The following C2CD3 variants were observed in gnomAD, a reference collection of about 807,000 sequenced individuals.
The protein encoded by C2CD3 is C2 domain containing 3 centriole elongation regulator.
C2CD3 carries 148 observed loss-of-function variants against 234.0 expected under a neutral mutation model. That is an observed-to-expected ratio of 0.63 (90% CI 0.55 to 0.72). The LOEUF is 0.72. Among genes scored for constraint, C2CD3 ranks in the 30% least tolerant of loss-of-function variants. The pLI is 0.00. For missense variants in C2CD3, 2,577 were observed against 2,811.5 expected (o/e 0.92, Z 1.89); for synonymous variants, 1,000 against 1,035.4 (o/e 0.97, Z 0.66).
chr11:74,064,511 G>C (rs1196375214), intron 24 of C2CD3, among the ~76,000 whole-genome samples: 1 of 152,170 alleles, frequency 6.6e-6, no homozygotes, highest in East Asian at 1.9e-4. Flanking sequence ...GTAATTTATA[G>C]ATTCAATGCC....
At chr11:74,048,796 C>T (rs1197793064) in intron 27 of C2CD3, among the ~76,000 whole-genome samples, 2 of 152,186 alleles carry the variant, frequency 1.3e-5, no homozygotes, top group Non-Finnish European at 2.9e-5. Flanking sequence ...CCACTCTGTG[C>T]CAGACCCTGG....
rs368966411 is a variant in C2CD3 at position 74,020,817 on chromosome 11, A to G, written c.6922-7292T>C. 2.0e-3 allele frequency among the ~76,000 whole-genome samples: 312 copies of G among 152,318 alleles called. 1 individual carries two copies. The highest frequency in any genetic ancestry group is 7.3e-3 in the African/African-American group (304 of 41,540). On this transcript the variant is annotated intron_variant, in intron 32 of 32. Transcript: ENST00000334126. ...CCTCAGGCCCAGCTCTAGTTCTCCT[A>G]TTCAATGACGGGAAGTTATTGGAAG...
intron 27 of C2CD3, 98 bp from the exon 28 acceptor site, chr11:74,048,436 T>C: frequency 8.3e-7 from 1 of 1,211,130 alleles, no homozygotes; most frequent in Non-Finnish European, 1.2e-6. Flanking sequence ...TGTGTGCATT[T>C]AATTTACTGA....
intron 3 of C2CD3, among the ~76,000 whole-genome samples, chr11:74,148,090 C>T (rs933723292): frequency 1.3e-5 from 2 of 151,842 alleles, no homozygotes; most frequent in Non-Finnish European, 2.9e-5. Flanking sequence ...TTACAAATGT[C>T]TAACTATCAA....
In C2CD3 at chr11:74,098,135, TAA is replaced by T; in HGVS notation, c.2851_2852del (p.Leu951SerfsTer17). On this transcript the variant is annotated frameshift_variant, in exon 16 of 33. Transcript: ENST00000334126. LOFTEE classifies it high-confidence loss of function. ...TTATTTGATTTGAAGAACCCATAGC[TAA>T]AAAGACTCGAAGACTCCCATTTTGG... ...GHQNGSLRVF[L>X]AMGSSNQIMA... is the part of the protein sequence containing the mutation. The T allele has an allele frequency of 1.9e-6, 3 of 1,614,054 alleles. No individual in the cohort carries two copies. The highest frequency in any genetic ancestry group is 2.5e-6 in the Non-Finnish European group (3 of 1,179,970).
intron 28 of C2CD3, among the ~76,000 whole-genome samples, chr11:74,044,316 G>A (rs1377747796): frequency 1.3e-5 from 2 of 152,036 alleles, no homozygotes; most frequent in Non-Finnish European, 2.9e-5. Flanking sequence ...ATTAGCTGGT[G>A]TGGTGGCGTG....
intron 25 of C2CD3, among the ~76,000 whole-genome samples, chr11:74,054,930 C>G (rs972425469): frequency 6.6e-6 from 1 of 152,152 alleles, no homozygotes; most frequent in Non-Finnish European, 1.5e-5. Flanking sequence ...CAAAGTTTCC[C>G]TAAGACAGAG....
chr11:74,076,992 T>C (rs1955067705), intron 23 of C2CD3, among the ~76,000 whole-genome samples: 1 of 152,186 alleles, frequency 6.6e-6, no homozygotes, highest in South Asian at 2.1e-4. Flanking sequence ...TACTCATCTT[T>C]GAATTCCCAG....
At chr11:74,142,239 ATCTC>A (rs1246498444) in intron 3 of C2CD3, 1 of 152,178 alleles carries the variant, frequency 6.6e-6, no homozygotes, top group Non-Finnish European at 1.5e-5. Context: ...GGGGTTACAG[ATCTC>A]TCTCTGTTTG....
intron 3 of C2CD3, among the ~76,000 whole-genome samples, chr11:74,159,129 T>C (rs1303712937): frequency 2.6e-5 from 4 of 152,212 alleles, no homozygotes; most frequent in African/African-American, 9.7e-5. Context: ...TGTAATGTGG[T>C]AGTGCAATGC....
At chr11:74,108,582 A>G (rs1352967673) in intron 12 of C2CD3, among the ~76,000 whole-genome samples, 1 of 152,196 alleles carries the variant, frequency 6.6e-6, no homozygotes, top group Non-Finnish European at 1.5e-5. Context: ...AGAACCTCAA[A>G]TTAAGGCTAA....
chr11:74,056,751 ACT>A (rs1428398647), intron 25 of C2CD3, among the ~76,000 whole-genome samples: 1 of 151,628 alleles, frequency 6.6e-6, no homozygotes, highest in Non-Finnish European at 1.5e-5. Context: ...TATCTTTCCG[ACT>A]CTTATTCATC....
At position 74,042,160 on chromosome 11, in the gene C2CD3, G is replaced by T; in HGVS notation, c.5554C>A (p.Arg1852=). Residue 1852 remains arginine, a synonymous_variant, in exon 29 of 33, where the codon CGG becomes AGG. Coordinates refer to ENST00000334126, the MANE Select transcript of C2CD3 (RefSeq NM_001286577.2). ...RHEEHVQNIR[R]FHESLHLQGE... ...TGAAGATGCAGGGATTCATGAAACC[G>T]GCGAATGTTCTGCACATGCTCTTCA... 4 of 1,613,462 alleles carry T rather than the reference G, an allele frequency of 2.5e-6. No homozygotes were observed. Among genetic ancestry groups the T allele is most frequent in the Non-Finnish European group, 3.4e-6 (4 of 1,179,934 alleles).
Position 74,048,193 on chromosome 11 carries a change from G to A in C2CD3, c.5495+12C>T. 1 of 1,611,830 alleles carries A rather than the reference G, an allele frequency of 6.2e-7. No homozygotes were observed. Among genetic ancestry groups the A allele is most frequent in the Non-Finnish European group, 8.5e-7 (1 of 1,178,970 alleles). On this transcript the variant is annotated intron_variant, in intron 28 of 32. Transcript: ENST00000334126. ...TAACCCCATTTCTTCTCATCATCAA[G>A]AATTCACTCACCTCCCAGGAGAGGA...
chr11:74,053,301 C>G (rs933687992), intron 26 of C2CD3, among the ~76,000 whole-genome samples: 10 of 152,164 alleles, frequency 6.6e-5, no homozygotes, highest in Non-Finnish European at 1.3e-4. Flanking sequence ...ACAAGAAAAA[C>G]TGATACGGTA....
Position 74,016,142 on chromosome 11 carries a change from TC to T in C2CD3, c.6922-2618del, listed in dbSNP as rs527499516. 1.8e-4 allele frequency among the ~76,000 whole-genome samples: 28 copies of T among 152,302 alleles called. No homozygotes were observed. The South Asian group carries it at 5.4e-3, about 29-fold the overall frequency. ...GGAGCCTAAGATCTAATCAACTTGATCAACTCTTATGGACAACAGGCAGACG... is the reference window on the plus strand; with the variant it reads ...GGAGCCTAAGATCTAATCAACTTGATAACTCTTATGGACAACAGGCAGACG... On this transcript the variant is annotated intron_variant, in intron 32 of 32. Coordinates refer to ENST00000334126, the MANE Select transcript of C2CD3 (RefSeq NM_001286577.2).
At chr11:74,066,436 AAAAG>A (rs10624836) in intron 24 of C2CD3, among the ~76,000 whole-genome samples, 3 of 150,248 alleles carry the variant, frequency 2.0e-5, no homozygotes, top group Admixed American at 1.3e-4. Context: ...AAAAAAGTCA[AAAAG>A]AAAGAAAGAA....
intron 3 of C2CD3, among the ~76,000 whole-genome samples, chr11:74,159,564 T>C: frequency 6.6e-6 from 1 of 151,948 alleles, no homozygotes; most frequent in South Asian, 2.1e-4. Context: ...AAAATGAAAA[T>C]AGAAAAAAGC....
intron 3 of C2CD3, among the ~76,000 whole-genome samples, chr11:74,144,963 A>T (rs1262561292): frequency 2.0e-5 from 3 of 152,224 alleles, no homozygotes; most frequent in African/African-American, 7.2e-5. Context: ...TTGGGTATGT[A>T]CCCTAAAAGT....
Sources: gnomAD v4.1 joint callset for allele counts (sites outside exome capture counted in the v4.1 genomes callset) on GRCh38, gnomAD v4.1.1 for gene constraint, MANE v1.5 for transcripts, NCBI Gene and HGNC (gene_info 2026-07-23, HGNC 2026-07-21) for gene names.